Variants in NCOA7 observed in about 807,000 individuals in gnomAD.
The protein encoded by NCOA7 is 140 kDa estrogen receptor-associated protein.
In NCOA7, 45 loss-of-function variants were observed where a neutral mutation model predicts 104.3. That is an observed-to-expected ratio of 0.43 (90% CI 0.34 to 0.55). NCOA7 has a LOEUF of 0.55. NCOA7 is among the 20% of genes least tolerant of loss of function. The pLI is 0.02. For missense variants in NCOA7, 1,041 were observed against 1,119.7 expected (o/e 0.93, Z 1.00); for synonymous variants, 398 against 402.3 (o/e 0.99, Z 0.13).
At chr6:125,845,029 G>C (rs1306579788) in intron 2 of NCOA7, among the ~76,000 whole-genome samples, 1 of 152,196 alleles carries the variant, frequency 6.6e-6, no homozygotes, top group Non-Finnish European at 1.5e-5. Flanking sequence ...CTGAGGCTTA[G>C]ATTTGGTAAC....
intron 2 of NCOA7, among the ~76,000 whole-genome samples, chr6:125,822,045 G>A (rs191363984): frequency 6.6e-6 from 1 of 152,328 alleles, no homozygotes; most frequent in African/African-American, 2.4e-5. Context: ...TGCCAAGAAT[G>A]ATTATACCAC....
chr6:125,865,031 A>G lies in NCOA7; in HGVS notation c.271+9791A>G, dbSNP rs995995330. ...GACACGAGGAAGAGCAGAAAGAACT[A>G]TTTTCCATGAATGTCTCCTTTGTGT... On this transcript the variant is annotated intron_variant, in intron 3 of 15. Transcript: ENST00000392477. Among the ~76,000 whole-genome samples, 15 of 138,032 alleles carry G rather than the reference A, an allele frequency of 1.1e-4. 3 individuals carry two copies. The highest frequency in any genetic ancestry group is 8.3e-4 in the Admixed American group (12 of 14,532). 90.6% of individuals were successfully genotyped at this position (138,032 alleles called of 152,430 possible).
chr6:125,922,751 G>A lies in NCOA7; in HGVS notation c.2440G>A (p.Gly814Arg). The change falls in exon 13 of 16, where the codon GGG becomes AGG. Residue 814 changes from glycine (G) to arginine (R), a missense_variant. Around this residue, in one of 2 missense-constraint regions of NCOA7, gnomAD observed 127 missense variants for 177.0 expected, o/e 0.72. Coordinates refer to ENST00000392477, the MANE Select transcript of NCOA7 (RefSeq NM_181782.5). ...WRLAYSTLEH[G>R]TSLKTLYRKS... ...ACTGGCCTATAGCACGTTAGAGCACGGGACCAGCTTAAAGACGCTCTACCG... is the reference window on the plus strand; with the variant it reads ...ACTGGCCTATAGCACGTTAGAGCACAGGACCAGCTTAAAGACGCTCTACCG... 2 of 1,614,082 alleles carry A rather than the reference G, an allele frequency of 1.2e-6. No homozygotes were observed. The highest frequency in any genetic ancestry group is 1.7e-6 in the Non-Finnish European group (2 of 1,180,016).
chr6:125,901,102 C>T lies in NCOA7; in HGVS notation c.2096+10292C>T, dbSNP rs527242543. Reference sequence around the variant, plus strand: ...TATGATGGACAATACAAGTGACCAACGAAACTGCATGCATATGCGTTTCAG... The same window carrying T: ...TATGATGGACAATACAAGTGACCAATGAAACTGCATGCATATGCGTTTCAG... On this transcript the variant is annotated intron_variant, in intron 10 of 15. Coordinates refer to ENST00000392477, the MANE Select transcript of NCOA7 (RefSeq NM_181782.5). Among the ~76,000 whole-genome samples the T allele has an allele frequency of 3.9e-5, 6 of 152,340 alleles. No homozygotes were observed. In the South Asian group the frequency reaches 6.2e-4, roughly 16 times the overall value.
chr6:125,889,574 T>C lies in NCOA7; in HGVS notation c.1520T>C (p.Val507Ala). Residue 507 changes from valine (V) to alanine (A), a missense_variant, in exon 9 of 16, where the codon GTA becomes GCA. Physicochemically the swap from Val to Ala is moderately conservative, Grantham distance 64. Coordinates refer to ENST00000392477, the MANE Select transcript of NCOA7 (RefSeq NM_181782.5). ...CAGTCTGGTTCGCCAGAAAGCCGAG[T>C]AGAAAACACACTGAACATACATGAA... ...DKQSGSPESR[V>A]ENTLNIHEDL... 1 of 1,613,872 alleles carries C rather than the reference T, an allele frequency of 6.2e-7. No individual in the cohort carries two copies. The highest frequency in any genetic ancestry group is 8.5e-7 in the Non-Finnish European group (1 of 1,179,970).
chr6:125,865,900 C>A (rs1179428471), intron 3 of NCOA7, among the ~76,000 whole-genome samples: 1 of 136,622 alleles, frequency 7.3e-6, no homozygotes, highest in Non-Finnish European at 1.6e-5. Context: ...CTTACTCAGG[C>A]ATGTCTTGAA....
At chr6:125,872,699 T>C (rs1434523956) in intron 3 of NCOA7, among the ~76,000 whole-genome samples, 1 of 152,262 alleles carries the variant, frequency 6.6e-6, no homozygotes, top group East Asian at 1.9e-4. Flanking sequence ...TGTTAATGTT[T>C]TATTGCTTAT....
At chr6:125,865,590 TAG>T (rs1782382526) in intron 3 of NCOA7, among the ~76,000 whole-genome samples, 1 of 137,478 alleles carries the variant, frequency 7.3e-6, no homozygotes, top group Non-Finnish European at 1.5e-5. Context: ...GTGCTTTTTA[TAG>T]AGTCAGGTCA....
At chr6:125,800,031 A>G (rs1006965217) in intron 1 of NCOA7, among the ~76,000 whole-genome samples, 1 of 152,204 alleles carries the variant, frequency 6.6e-6, no homozygotes, top group Non-Finnish European at 1.5e-5. Flanking sequence ...CTGAAACTTA[A>G]AGGGTTTAAT....
At chr6:125,911,732 G>A (rs1243613166) in intron 10 of NCOA7, among the ~76,000 whole-genome samples, 1 of 152,108 alleles carries the variant, frequency 6.6e-6, no homozygotes, top group Non-Finnish European at 1.5e-5. Context: ...ATTAAGCATC[G>A]TGACTCTGGT....
rs952935235 is a variant in NCOA7 at position 125,864,339 on chromosome 6, A to G, written c.271+9099A>G. Among the ~76,000 whole-genome samples, 4 of 138,510 alleles carry G rather than the reference A, an allele frequency of 2.9e-5. 1 individual carries two copies. Among genetic ancestry groups the G allele is most frequent in the African/African-American group, 1.2e-4 (4 of 33,298 alleles). The allele number at this position is 138,510 out of a possible 152,430, so 90.9% of individuals were successfully genotyped here. ...TGATTCCATTTTTGTTTAAAAAAATAATTCACCTACATGCATATAAAAAGA... is the reference window on the plus strand; with the variant it reads ...TGATTCCATTTTTGTTTAAAAAAATGATTCACCTACATGCATATAAAAAGA... On this transcript the variant is annotated intron_variant, in intron 3 of 15. Coordinates refer to ENST00000392477, the MANE Select transcript of NCOA7 (RefSeq NM_181782.5).
At chr6:125,876,362 A>G (rs2047518310) in intron 4 of NCOA7, among the ~76,000 whole-genome samples, 1 of 152,202 alleles carries the variant, frequency 6.6e-6, no homozygotes, top group African/African-American at 2.4e-5. Context: ...TTATATTACC[A>G]TTGTCTAAAA....
rs182114170 is a variant in NCOA7 at position 125,923,362 on chromosome 6, G to A, written c.2523+528G>A. 2.8e-3 allele frequency among the ~76,000 whole-genome samples: 420 copies of A among 152,274 alleles called. 2 individuals are homozygous for A. Among genetic ancestry groups the A allele is most frequent in the African/African-American group, 9.7e-3 (405 of 41,556 alleles). ...GAAACCACAGAGAATACACTGTACC[G>A]TTCTTGATTGTACTTTTGCCTGTGT... On this transcript the variant is annotated intron_variant, in intron 13 of 15. Transcript: ENST00000392477.
chr6:125,824,447 T>C (rs549835231), intron 2 of NCOA7, among the ~76,000 whole-genome samples: 12 of 152,204 alleles, frequency 7.9e-5, no homozygotes, highest in Non-Finnish European at 1.6e-4. Context: ...ACCTACCTTA[T>C]AAGGTTATTG....
intron 5 of NCOA7, among the ~76,000 whole-genome samples, chr6:125,879,634 A>G (rs1350151906): frequency 1.3e-5 from 2 of 152,232 alleles, no homozygotes; most frequent in African/African-American, 4.8e-5. Flanking sequence ...GAATAACAAT[A>G]TTGATCAGTA....
chr6:125,869,000 A>G (rs1782657593), intron 3 of NCOA7, among the ~76,000 whole-genome samples: 1 of 152,186 alleles, frequency 6.6e-6, no homozygotes. Flanking sequence ...AAAACCTGAT[A>G]ATTTTCCAAA....
chr6:125,866,571 T>TATC (rs1211763116), intron 3 of NCOA7, among the ~76,000 whole-genome samples: 1 of 152,170 alleles, frequency 6.6e-6, no homozygotes, highest in Non-Finnish European at 1.5e-5. Context: ...AGTATCTCCA[T>TATC]TTTGTGCACT....
intron 8 of NCOA7, among the ~76,000 whole-genome samples, chr6:125,886,136 G>A (rs1378053573): frequency 2.1e-5 from 3 of 143,262 alleles, no homozygotes; most frequent in South Asian, 4.4e-4. Context: ...TAACAGTAAA[G>A]AGGGAAACTA....
chr6:125,919,550 C>G, intron 11 of NCOA7: 2 of 992,958 alleles, frequency 2.0e-6, no homozygotes. Flanking sequence ...TTTCTACCAG[C>G]AGGTGTTTTA....
Sources: allele counts gnomAD v4.1 joint callset (sites outside exome capture counted in the v4.1 genomes callset), GRCh38; gene constraint gnomAD v4.1.1; regional missense constraint gnomAD v4.1.1; transcripts MANE v1.5; gene names NCBI Gene and HGNC (gene_info 2026-07-23, HGNC 2026-07-21).